CACNB2: variants seen among roughly 807,000 people sequenced by gnomAD.
CACNB2 encodes the protein voltage-dependent L-type calcium channel subunit beta-2.
CACNB2 carries 42 observed loss-of-function variants against 73.3 expected under a neutral mutation model. That is an observed-to-expected ratio of 0.57 (90% CI 0.45 to 0.74). CACNB2 has a LOEUF of 0.74. Among genes scored for constraint, CACNB2 ranks in the 30% least tolerant of loss-of-function variants. CACNB2 has a pLI of 0.00. For synonymous variants in CACNB2, 348 were observed against 310.3 expected, an observed-to-expected ratio of 1.12 and a Z score of -1.28; for missense variants, 940 against 853.0, an observed-to-expected ratio of 1.10 and a Z score of -1.27.
intron 3 of CACNB2, among the ~76,000 whole-genome samples, chr10:18,492,636 AAAGAAAAAAAGAAAAGAAAAG>A (rs1469147365): frequency 2.3e-5 from 3 of 129,992 alleles, no homozygotes; most frequent in Non-Finnish European, 4.5e-5. Flanking sequence ...AAAAAAAAAA[AAAGAAAAAAAGAAAAGAAAAG>A]AAAAAAGAAA....
At chr10:18,268,894 A>T (rs936885084) in intron 2 of CACNB2, among the ~76,000 whole-genome samples, 1 of 152,112 alleles carries the variant, frequency 6.6e-6, no homozygotes, top group African/African-American at 2.4e-5. Context: ...TGTCATATGT[A>T]CTCAAAGTAT....
intron 2 of CACNB2, among the ~76,000 whole-genome samples, chr10:18,236,350 C>T (rs772393160): frequency 5.3e-5 from 8 of 152,204 alleles, no homozygotes; most frequent in African/African-American, 7.2e-5. Flanking sequence ...CAGGAAAGGG[C>T]GCAAGCCCAC....
At chr10:18,413,042 C>A (rs1415919351) in intron 3 of CACNB2, among the ~76,000 whole-genome samples, 2 of 152,202 alleles carry the variant, frequency 1.3e-5, no homozygotes, top group Non-Finnish European at 2.9e-5. Flanking sequence ...ACGATCTTAG[C>A]TGACTGCAAC....
At position 18,401,940 on chromosome 10, in the gene CACNB2, A is replaced by G. The variant is rs2044018760; in HGVS notation, c.230A>G (p.Tyr77Cys). The G allele has an allele frequency of 1.2e-6, 2 of 1,613,906 alleles. No individual in the cohort carries two copies. Among genetic ancestry groups the G allele is most frequent in the Admixed American group, 1.7e-5 (1 of 60,010 alleles). Residue 77 changes from tyrosine (Y) to cysteine (C), a missense_variant, in exon 3 of 14, where the codon TAC (tyrosine) becomes TGC (cysteine). Physicochemically the swap from Tyr to Cys is radical, Grantham distance 194. Transcript: ENST00000324631. ...CCTCTCCAGGGTTCGGCAGACTCCTACACTAGCCGTCCATCCGATTCCGAT... is the reference window on the plus strand; with the variant it reads ...CCTCTCCAGGGTTCGGCAGACTCCTGCACTAGCCGTCCATCCGATTCCGAT... Reference protein sequence around the residue: ...SFVRQGSADSYTSRPSDSDVS... With the variant: ...SFVRQGSADSCTSRPSDSDVS...
intron 3 of CACNB2, among the ~76,000 whole-genome samples, chr10:18,447,395 T>C (rs909647698): frequency 6.6e-6 from 1 of 152,104 alleles, no homozygotes; most frequent in Non-Finnish European, 1.5e-5. Context: ...ATTGAATTCA[T>C]AAAGGTGAAA....
At chr10:18,499,590 G>C (rs1262739301) in intron 4 of CACNB2, among the ~76,000 whole-genome samples, 1 of 142,718 alleles carries the variant, frequency 7.0e-6, no homozygotes, top group Non-Finnish European at 1.5e-5. Context: ...ACCCGAGCCT[G>C]GCGACAGAGT....
At chr10:18,308,664 C>T (rs148460669) in intron 2 of CACNB2, among the ~76,000 whole-genome samples, 190 of 152,326 alleles carry the variant, frequency 1.2e-3, no homozygotes, top group African/African-American at 4.4e-3. Context: ...AGATCTGGCT[C>T]TTGGGGTCAG....
At chr10:18,146,533 A>T (rs1002761453) in intron 1 of CACNB2, among the ~76,000 whole-genome samples, 10 of 151,740 alleles carry the variant, frequency 6.6e-5, no homozygotes, top group Non-Finnish European at 1.2e-4. Flanking sequence ...GCTGGAGTGC[A>T]GTGGCGTGAT....
intron 3 of CACNB2, among the ~76,000 whole-genome samples, chr10:18,419,389 A>G (rs1377547995): frequency 6.6e-6 from 1 of 152,200 alleles, no homozygotes; most frequent in Non-Finnish European, 1.5e-5. Context: ...TAACTGTATT[A>G]TAATGTACAC....
In CACNB2 at chr10:18,140,825, C is replaced by T. The variant is rs1351768521; in HGVS notation, c.89C>T (p.Ala30Val). 6.2e-7 allele frequency: 1 copy of T among 1,604,122 alleles called. No homozygotes were observed. The highest frequency in any genetic ancestry group is 8.5e-7 in the Non-Finnish European group (1 of 1,176,912). Residue 30 changes from alanine (A) to valine (V), a missense_variant, in exon 1 of 14, where the codon GCT becomes GTT. Physicochemically the swap from Ala to Val is moderately conservative, Grantham distance 64. Transcript: ENST00000324631. ...CAGATGGAACTGCTAGAGAACGTGG[C>T]TCCCGCGGGGGCGCTCGGAGCCGCC... ...EIQMELLENV[A>V]PAGALGAAAQ... is the part of the protein sequence containing the mutation.
At chr10:18,242,842 C>T (rs1261245111) in intron 2 of CACNB2, among the ~76,000 whole-genome samples, 1 of 129,636 alleles carries the variant, frequency 7.7e-6, no homozygotes, top group African/African-American at 2.9e-5. Context: ...AAAAAAAAAA[C>T]CAAAAAAACA....
intron 3 of CACNB2, among the ~76,000 whole-genome samples, chr10:18,442,618 A>T (rs1486547371): frequency 6.6e-6 from 1 of 151,540 alleles, no homozygotes; most frequent in African/African-American, 2.4e-5. Context: ...CGAGGTCAAG[A>T]TATCAAGACC....
intron 3 of CACNB2, among the ~76,000 whole-genome samples, chr10:18,402,840 C>G (rs2044079668): frequency 6.6e-6 from 1 of 152,174 alleles, no homozygotes; most frequent in Non-Finnish European, 1.5e-5. Context: ...GTTGATTTTC[C>G]TTTGAAAAAC....
chr10:18,326,763 G>C (rs1455691559), intron 2 of CACNB2, among the ~76,000 whole-genome samples: 2 of 152,174 alleles, frequency 1.3e-5, no homozygotes, highest in African/African-American at 4.8e-5. Flanking sequence ...GTCTCACTCT[G>C]TTGCCCAAGT....
intron 7 of CACNB2, among the ~76,000 whole-genome samples, chr10:18,516,146 C>T (rs574651254): frequency 1.2e-4 from 18 of 152,022 alleles, no homozygotes; most frequent in Admixed American, 3.9e-4. Context: ...ACCCGGAAGG[C>T]GGAGATTGCA....
At chr10:18,400,659 T>C (rs1354141987) in intron 2 of CACNB2, 4 of 945,812 alleles carry the variant, frequency 4.2e-6, no homozygotes, top group Non-Finnish European at 5.0e-6. Context: ...TTTTTTTTTC[T>C]GCGATTCTTT....
intron 3 of CACNB2, among the ~76,000 whole-genome samples, chr10:18,426,401 A>T (rs529323263): frequency 6.6e-6 from 1 of 152,352 alleles, no homozygotes; most frequent in Admixed American, 6.5e-5. Context: ...TCTGTTGGCT[A>T]ATATGGAGAA....
chr10:18,301,680 G>T (rs570275835), intron 2 of CACNB2, among the ~76,000 whole-genome samples: 8 of 147,336 alleles, frequency 5.4e-5, no homozygotes, highest in African/African-American at 1.3e-4. Flanking sequence ...ATGGAGTCTT[G>T]CTCTGTCACC....
chr10:18,253,611 G>A lies in CACNB2; in HGVS notation c.213+102636G>A, dbSNP rs192053432. Among the ~76,000 whole-genome samples the A allele has an allele frequency of 3.8e-4, 58 of 152,188 alleles. No individual in the cohort carries two copies. The East Asian group carries it at 0.011, about 28-fold the overall frequency. Reference sequence around the variant, plus strand: ...CTTATATACATGTTGCATTTTCTTAGATCTACAATGAATGAAATGAACTGG... The same window carrying A: ...CTTATATACATGTTGCATTTTCTTAAATCTACAATGAATGAAATGAACTGG... On this transcript the variant is annotated intron_variant, in intron 2 of 13. Transcript: ENST00000324631.
Sources: gnomAD v4.1 joint callset for allele counts (sites outside exome capture counted in the v4.1 genomes callset) on GRCh38, gnomAD v4.1.1 for gene constraint, MANE v1.5 for transcripts, NCBI Gene and HGNC (gene_info 2026-07-23, HGNC 2026-07-21) for gene names.